SV2C: variants seen among roughly 807,000 people sequenced by gnomAD.
SV2C encodes synaptic vesicle glycoprotein 2C.
In SV2C, 49 loss-of-function variants were observed where a neutral mutation model predicts 79.7. The observed-to-expected ratio is 0.61, with a 90% CI of 0.49 to 0.78. The LOEUF is 0.78. Among genes scored for constraint, SV2C ranks in the 30% least tolerant of loss-of-function variants. SV2C has a pLI of 0.00. For synonymous variants in SV2C, 334 were observed against 333.2 expected (o/e 1.00, Z -0.03); for missense variants, 833 against 912.9 (o/e 0.91, Z 1.13).
chr5:76,048,886 A>C, the SV2C span, among the ~76,000 whole-genome samples: 1 of 137,830 alleles, frequency 7.3e-6, no homozygotes, highest in East Asian at 2.4e-4. Context: ...AGAGGAAGGA[A>C]GGAAGGAGAG....
the SV2C span, among the ~76,000 whole-genome samples, chr5:75,848,514 A>T: frequency 6.6e-6 from 1 of 152,230 alleles, no homozygotes; most frequent in Non-Finnish European, 1.5e-5. Context: ...ACAAGTCAGA[A>T]TTGGTTGCGA....
At chr5:76,103,513 A>G (rs1455441868) in intron 1 of SV2C, among the ~76,000 whole-genome samples, 2 of 152,190 alleles carry the variant, frequency 1.3e-5, no homozygotes, top group Non-Finnish European at 2.9e-5. Context: ...AGTTTTCACC[A>G]TTACCACTTC....
chr5:75,971,393 T>C, the SV2C span, among the ~76,000 whole-genome samples: 4 of 152,242 alleles, frequency 2.6e-5, no homozygotes, highest in Admixed American at 6.5e-5. Flanking sequence ...TTGTCCCTGT[T>C]TGCAGATGAC....
Position 76,301,514 on chromosome 5 carries a change from G to T in SV2C, c.1969G>T (p.Val657Phe), listed in dbSNP as rs376683111. ...TISAWNSLDV[V>F]TVELYPTDRR... is the part of the protein sequence containing the mutation. ...CTCAGCCTGGAACTCTCTTGACGTG[G>T]TCACTGTGGAACTGTACCCCACAGA... Residue 657 changes from valine to phenylalanine, a missense_variant, in exon 12 of 13, where the codon GTC (valine) becomes TTC (phenylalanine). Physicochemically the swap from Val to Phe is conservative, Grantham distance 50. Coordinates refer to ENST00000502798, the MANE Select transcript of SV2C (RefSeq NM_014979.4). 2.0e-5 allele frequency: 33 copies of T among 1,613,854 alleles called. No individual in the cohort carries two copies. The highest frequency in any genetic ancestry group is 2.7e-5 in the Non-Finnish European group (32 of 1,179,964).
the SV2C span, among the ~76,000 whole-genome samples, chr5:75,932,253 C>T: frequency 6.6e-6 from 1 of 152,180 alleles, no homozygotes; most frequent in Non-Finnish European, 1.5e-5. Context: ...AAGGCTTGGC[C>T]AACTCTGGGC....
At chr5:75,877,598 C>CAAA in the SV2C span, among the ~76,000 whole-genome samples, 9 of 133,200 alleles carry the variant, frequency 6.8e-5, no homozygotes, top group African/African-American at 2.1e-4. Flanking sequence ...AAATCAATAG[C>CAAA]AAAAAAAAAA....
At chr5:76,319,782 C>G (rs1748765237) in intron 12 of SV2C, among the ~76,000 whole-genome samples, 1 of 152,162 alleles carries the variant, frequency 6.6e-6, no homozygotes, top group Non-Finnish European at 1.5e-5. Flanking sequence ...CTGAGTTATA[C>G]CAGAGGTTCG....
the SV2C span, among the ~76,000 whole-genome samples, chr5:75,950,718 A>G: frequency 6.6e-6 from 1 of 152,144 alleles, no homozygotes; most frequent in East Asian, 1.9e-4. Context: ...GAATAAATCG[A>G]GAAATATTTT....
the SV2C span, among the ~76,000 whole-genome samples, chr5:75,926,031 G>A: frequency 2.6e-5 from 4 of 152,142 alleles, no homozygotes; most frequent in African/African-American, 9.7e-5. Context: ...CTTTTTTAAA[G>A]TTTCAGGTTG....
chr5:76,238,027 T>TATACAC (rs1745664752), intron 4 of SV2C, among the ~76,000 whole-genome samples: 1 of 122,812 alleles, frequency 8.1e-6, no homozygotes, highest in Admixed American at 8.7e-5. Flanking sequence ...CAATCACACA[T>TATACAC]ACACACACAC....
At chr5:76,237,047 C>G (rs978832239) in intron 4 of SV2C, among the ~76,000 whole-genome samples, 5 of 152,192 alleles carry the variant, frequency 3.3e-5, no homozygotes, top group African/African-American at 1.2e-4. Context: ...TGCCTTCAAT[C>G]ATGATTGTAA....
At chr5:76,194,007 G>A (rs1171410957) in intron 2 of SV2C, among the ~76,000 whole-genome samples, 1 of 152,204 alleles carries the variant, frequency 6.6e-6, no homozygotes, top group Admixed American at 6.5e-5. Context: ...TTGATTGAAT[G>A]CAGACAGCTT....
At chr5:76,320,519 T>C (rs555399561) in intron 12 of SV2C, among the ~76,000 whole-genome samples, 3 of 152,228 alleles carry the variant, frequency 2.0e-5, no homozygotes, top group Non-Finnish European at 2.9e-5. Context: ...AAACTGAGGG[T>C]ATAAGAGAAC....
the SV2C span, among the ~76,000 whole-genome samples, chr5:75,943,144 A>G: frequency 6.6e-6 from 1 of 152,220 alleles, no homozygotes; most frequent in Admixed American, 6.5e-5. Context: ...TCTAAAGTGA[A>G]AGATAACAAA....
chr5:76,316,075 A>G (rs1190771483), intron 12 of SV2C, among the ~76,000 whole-genome samples: 1 of 152,218 alleles, frequency 6.6e-6, no homozygotes, highest in African/African-American at 2.4e-5. Context: ...TAAATAAATC[A>G]TTTCATTTTA....
intron 12 of SV2C, among the ~76,000 whole-genome samples, chr5:76,346,051 G>A (rs1224399209): frequency 1.3e-5 from 2 of 152,196 alleles, no homozygotes; most frequent in Admixed American, 6.5e-5. Context: ...GATCTCTCCA[G>A]ATTTGTAGCG....
chr5:76,172,013 C>T (rs1313243412), intron 2 of SV2C, among the ~76,000 whole-genome samples: 366 of 122,990 alleles, frequency 3.0e-3, no homozygotes, highest in African/African-American at 0.01. Flanking sequence ...GCCCGGCCAG[C>T]CGCCCCGTCT....
chr5:76,291,345 C>T lies in SV2C; in HGVS notation c.1248+14C>T. On this transcript the variant is annotated intron_variant, in intron 7 of 12. Transcript: ENST00000502798. Reference sequence around the variant, plus strand: ...GAGCTGTACGGAGTAAGTAACAAGTCCCATGATGACCTGCATGTTAATTTA... The same window carrying T: ...GAGCTGTACGGAGTAAGTAACAAGTTCCATGATGACCTGCATGTTAATTTA... The T allele has an allele frequency of 1.3e-6, 2 of 1,557,060 alleles. No homozygotes were observed. Among genetic ancestry groups the T allele is most frequent in the East Asian group, 2.3e-5 (1 of 44,092 alleles).
At chr5:76,146,415 C>T (rs1749424566) in intron 2 of SV2C, among the ~76,000 whole-genome samples, 1 of 152,130 alleles carries the variant, frequency 6.6e-6, no homozygotes, top group African/African-American at 2.4e-5. Context: ...TTACTCATGC[C>T]TCCCCTTTCT....
Sources: allele counts gnomAD v4.1 joint callset (sites outside exome capture counted in the v4.1 genomes callset), GRCh38; gene constraint gnomAD v4.1.1; transcripts MANE v1.5; gene names NCBI Gene and HGNC (gene_info 2026-07-23, HGNC 2026-07-21).